The following CNBD1 variants were observed in gnomAD, a reference collection of about 807,000 sequenced individuals.
The protein encoded by CNBD1 is cyclic nucleotide binding domain containing 1, also known as cyclic nucleotide-binding domain-containing protein 1.
A neutral mutation model predicts 54.4 loss-of-function variants in CNBD1; 71 were observed. The observed-to-expected ratio is 1.30, with a 90% confidence interval of 1.08 to 1.59. The LOEUF is 1.59. Among genes scored for constraint, CNBD1 ranks in the 40% most tolerant of loss-of-function variants. The pLI, the probability that CNBD1 is intolerant of heterozygous loss-of-function variation, is 0.00. For missense variants in CNBD1, 659 were observed against 518.0 expected (o/e 1.27, Z -2.64); for synonymous variants, 182 against 170.7 (o/e 1.07, Z -0.51).
At position 86,887,557 on chromosome 8, in the gene CNBD1, A is replaced by G. The variant is rs1808699771; in HGVS notation, c.104A>G (p.Lys35Arg). ...TTTTTTTCAGACTTGAAAAAGTCTA[A>G]GCACATTAATTATGGCCAGTTGAAT... The part of the protein sequence containing the change: ...LHSIPNLKKS[K>R]HINYGQLNAL... The change falls in exon 2 of 11, where the codon AAG (lysine) becomes AGG (arginine). Residue 35 changes from lysine (K) to arginine (R), a missense_variant. Transcript: ENST00000518476. 5 of 1,570,868 alleles carry G rather than the reference A, an allele frequency of 3.2e-6. No homozygotes were observed. Among genetic ancestry groups the G allele is most frequent in the Non-Finnish European group, 4.3e-6 (5 of 1,155,328 alleles).
At chr8:86,885,436 T>G (rs578025183) in intron 1 of CNBD1, among the ~76,000 whole-genome samples, 1 of 152,314 alleles carries the variant, frequency 6.6e-6, no homozygotes, top group South Asian at 2.1e-4. Flanking sequence ...ACCCTTGATT[T>G]TAACCGTGTT....
chr8:87,373,624 A>T (rs776956939), intron 10 of CNBD1, among the ~76,000 whole-genome samples: 2 of 151,804 alleles, frequency 1.3e-5, no homozygotes, highest in Non-Finnish European at 2.9e-5. Context: ...ATGCTCCAAA[A>T]GTCTAATTGT....
intron 4 of CNBD1, among the ~76,000 whole-genome samples, chr8:87,180,921 G>A (rs1813298694): frequency 6.6e-6 from 1 of 152,078 alleles, no homozygotes; most frequent in Non-Finnish European, 1.5e-5. Context: ...AGTATCGAGG[G>A]TCTTTGGGGT....
chr8:87,052,174 C>T (rs71525080), intron 4 of CNBD1, among the ~76,000 whole-genome samples: 5,674 of 152,236 alleles, frequency 0.037, 123 homozygotes, highest in Middle Eastern at 0.048. Flanking sequence ...CTCTCTTTTT[C>T]CTGGGCCTCT....
chr8:87,099,025 A>T (rs1283032032), intron 4 of CNBD1, among the ~76,000 whole-genome samples: 4 of 123,990 alleles, frequency 3.2e-5, no homozygotes, highest in African/African-American at 9.3e-5. Flanking sequence ...ACAGAGCAAG[A>T]CTGTGTCTCA....
chr8:87,063,867 T>C (rs1810593140), intron 4 of CNBD1, among the ~76,000 whole-genome samples: 1 of 152,014 alleles, frequency 6.6e-6, no homozygotes, highest in South Asian at 2.1e-4. Flanking sequence ...GATGCTATTA[T>C]AAATGATATA....
chr8:87,109,664 G>A (rs946011980), intron 4 of CNBD1, among the ~76,000 whole-genome samples: 2 of 150,224 alleles, frequency 1.3e-5, no homozygotes, highest in South Asian at 2.1e-4. Context: ...TCAGCCTCCC[G>A]AGTAGCTGGG....
chr8:87,006,904 A>G (rs1369466378), intron 4 of CNBD1, among the ~76,000 whole-genome samples: 1 of 152,252 alleles, frequency 6.6e-6, no homozygotes, highest in Non-Finnish European at 1.5e-5. Flanking sequence ...TGTACAATAA[A>G]ACTTCTTATT....
chr8:87,375,559 G>T (rs780225976), intron 10 of CNBD1, among the ~76,000 whole-genome samples: 1 of 151,650 alleles, frequency 6.6e-6, no homozygotes, highest in African/African-American at 2.4e-5. Context: ...TATAGTTTAG[G>T]TATCACACAG....
intron 4 of CNBD1, among the ~76,000 whole-genome samples, chr8:87,148,897 GAACAAACA>G (rs545822357): frequency 1.3e-5 from 2 of 152,014 alleles, no homozygotes; most frequent in Non-Finnish European, 2.9e-5. Context: ...GCCAAGAAAA[GAACAAACA>G]AACAAACAAA....
In CNBD1 at chr8:86,905,194, G is replaced by A. The variant is rs1808999813; in HGVS notation, c.272G>A (p.Arg91Lys). 3.2e-6 allele frequency: 5 copies of A among 1,555,790 alleles called. No homozygotes were observed. The African/African-American group carries it at 5.4e-5, about 17-fold the overall frequency. Residue 91 changes from arginine to lysine, a missense_variant and splice_region_variant, in exon 3 of 11, where the codon AGG (arginine) becomes AAG (lysine). Transcript: ENST00000518476. ...LPKLFKQEEQ[R>K]ELNEGKEESQ... ...AAACTTTTCAAACAGGAGGAACAAA[G>A]GTAATGATACCTTCTTTTGAAAGCA...
chr8:87,421,340 G>C (rs574095738), intron 2 of CNBD1, among the ~76,000 whole-genome samples: 1 of 150,282 alleles, frequency 6.7e-6, no homozygotes, highest in Non-Finnish European at 1.5e-5. Flanking sequence ...TAGTTACATA[G>C]GTATACATGT....
At chr8:87,154,079 C>T (rs1425839359) in intron 4 of CNBD1, among the ~76,000 whole-genome samples, 1 of 151,980 alleles carries the variant, frequency 6.6e-6, no homozygotes, top group African/African-American at 2.4e-5. Flanking sequence ...CAACTGACAC[C>T]CAAATAAGTC....
intron 4 of CNBD1, among the ~76,000 whole-genome samples, chr8:87,184,784 G>C (rs1813439119): frequency 2.0e-5 from 3 of 152,060 alleles, no homozygotes; most frequent in Admixed American, 2.0e-4. Context: ...TTCAGAGTCT[G>C]CTGGTGTACT....
intron 4 of CNBD1, among the ~76,000 whole-genome samples, chr8:87,173,086 T>C (rs914101653): frequency 6.6e-6 from 1 of 152,188 alleles, no homozygotes; most frequent in Non-Finnish European, 1.5e-5. Context: ...TACTACCTTA[T>C]AACCATTATT....
intron 8 of CNBD1, among the ~76,000 whole-genome samples, chr8:87,347,690 T>C (rs1810201926): frequency 6.6e-6 from 1 of 152,122 alleles, no homozygotes; most frequent in African/African-American, 2.4e-5. Flanking sequence ...TAATTGGTTA[T>C]TGGGCTGGAC....
At chr8:86,904,658 C>T (rs1216621406) in intron 2 of CNBD1, among the ~76,000 whole-genome samples, 2 of 151,950 alleles carry the variant, frequency 1.3e-5, no homozygotes, top group Non-Finnish European at 2.9e-5. Flanking sequence ...TATCTTTATT[C>T]TAGACCTAAA....
chr8:87,141,772 T>C (rs536291322), intron 4 of CNBD1, among the ~76,000 whole-genome samples: 5 of 152,112 alleles, frequency 3.3e-5, no homozygotes, highest in Non-Finnish European at 7.4e-5. Context: ...GGAGCACTCA[T>C]AAAAGTTTTC....
intron 4 of CNBD1, among the ~76,000 whole-genome samples, chr8:86,956,533 A>T (rs1300900393): frequency 6.6e-6 from 1 of 152,124 alleles, no homozygotes; most frequent in Non-Finnish European, 1.5e-5. Flanking sequence ...GTTCTCCTTG[A>T]AGATGTCCTT....
Sources: allele counts gnomAD v4.1 joint callset (sites outside exome capture counted in the v4.1 genomes callset), GRCh38; gene constraint gnomAD v4.1.1; transcripts MANE v1.5; gene names NCBI Gene and HGNC (gene_info 2026-07-23, HGNC 2026-07-21).